NSL1: variants seen among roughly 807,000 people sequenced by gnomAD.
The protein encoded by NSL1 is NSL1 component of MIS12 kinetochore complex.
Under a neutral mutation model 25.4 loss-of-function variants are expected in NSL1, and 11 were observed. That is an observed-to-expected ratio of 0.43 (90% CI 0.27 to 0.72). NSL1 has a LOEUF of 0.72. Ranked by LOEUF, NSL1 falls within the 30% of genes least tolerant of loss-of-function variation. NSL1 has a pLI of 0.19. For missense variants in NSL1, 330 were observed against 342.7 expected (o/e 0.96, Z 0.29); for synonymous variants, 118 against 120.6 (o/e 0.98, Z 0.14).
At chr1:212,780,324 T>C (rs1315357672) in intron 4 of NSL1, among the ~76,000 whole-genome samples, 1 of 151,898 alleles carries the variant, frequency 6.6e-6, no homozygotes, top group Non-Finnish European at 1.5e-5. Flanking sequence ...TTGAGAGTCA[T>C]CACCACTCCC....
At chr1:212,788,506 A>G (rs1378323163) in intron 1 of NSL1, among the ~76,000 whole-genome samples, 1 of 152,250 alleles carries the variant, frequency 6.6e-6, no homozygotes. Context: ...TTCATAATAC[A>G]TTAAAAGATA....
intron 4 of NSL1, among the ~76,000 whole-genome samples, chr1:212,775,810 G>T (rs1033218065): frequency 3.3e-5 from 5 of 152,078 alleles, no homozygotes; most frequent in African/African-American, 1.2e-4. Flanking sequence ...AAAAAAAGTA[G>T]TAACCATAAA....
chr1:212,737,508 A>G lies in NSL1; in HGVS notation c.*900T>C. The G allele has an allele frequency of 1.0e-6, 1 of 982,714 alleles. No homozygotes were observed. The allele number at this position is 982,714 out of a possible 1,614,324, so 60.9% of individuals were successfully genotyped here. A position where few individuals can be genotyped will look rare whatever the true frequency, so the allele number is the denominator to read the frequency against. On this transcript the variant is annotated 3_prime_UTR_variant, in exon 6 of 6. Coordinates refer to ENST00000366977, the MANE Select transcript of NSL1 (RefSeq NM_015471.4). ...AAGAGCTATAAGAAACTATAGTTAAATGTTAGAAGTAAAGCCAATATCGTT... is the reference window on the plus strand; with the variant it reads ...AAGAGCTATAAGAAACTATAGTTAAGTGTTAGAAGTAAAGCCAATATCGTT...
At position 212,731,372 on chromosome 1, in the gene NSL1, A is replaced by G; in HGVS notation, c.*7036T>C. ...GGAATTCAAGACCAGCCGGGGCAAT[A>G]TGGCGAGACCCCATCTCTAAAACAA... On this transcript the variant is annotated 3_prime_UTR_variant, in exon 6 of 6. Coordinates refer to ENST00000366977, the MANE Select transcript of NSL1 (RefSeq NM_015471.4). 7.1e-6 allele frequency: 7 copies of G among 982,198 alleles called. No individual in the cohort carries two copies. The highest frequency in any genetic ancestry group is 8.5e-6 in the Non-Finnish European group (7 of 827,028). The allele number at this position is 982,198 out of a possible 1,614,324, so 60.8% of individuals were successfully genotyped here.
intron 4 of NSL1, among the ~76,000 whole-genome samples, chr1:212,747,645 A>G (rs1396440024): frequency 6.6e-6 from 1 of 152,262 alleles, no homozygotes; most frequent in Non-Finnish European, 1.5e-5. Context: ...TTAAGCAGCT[A>G]AACTTTGGGA....
Position 212,730,868 on chromosome 1 carries a change from T to C in NSL1, c.*7540A>G, listed in dbSNP as rs562093785. Reference sequence around the variant, plus strand: ...CCTTCTAAGTTCAATTAATAATGAATATAAATGCCACAAGCCATTAATGTG... The same window carrying C: ...CCTTCTAAGTTCAATTAATAATGAACATAAATGCCACAAGCCATTAATGTG... On this transcript the variant is annotated 3_prime_UTR_variant, in exon 6 of 6. Transcript: ENST00000366977. 8.2e-4 allele frequency: 806 copies of C among 985,254 alleles called. No individual in the cohort carries two copies. Among genetic ancestry groups the C allele is most frequent in the Non-Finnish European group, 9.4e-4 (780 of 829,912 alleles). The allele number at this position is 985,254 out of a possible 1,614,324, so 61.0% of individuals were successfully genotyped here.
Position 212,730,809 on chromosome 1 carries a change from C to T in NSL1, c.*7599G>A. 1.0e-6 allele frequency: 1 copy of T among 985,342 alleles called. No individual in the cohort carries two copies. The highest frequency in any genetic ancestry group is 4.7e-5 in the South Asian group (1 of 21,268). 61.0% of individuals were successfully genotyped at this position (985,342 alleles called of 1,614,324 possible). On this transcript the variant is annotated 3_prime_UTR_variant, in exon 6 of 6. Coordinates refer to ENST00000366977, the MANE Select transcript of NSL1 (RefSeq NM_015471.4). The stretch of plus-strand genomic sequence containing the variant: ...TCAGGTCAGTTTCCCAGTGATCTGT[C>T]CTCAGTTTTTTACCTCTCCCCTCCC...
chr1:212,728,772 G>A lies in NSL1; in HGVS notation c.*9636C>T, dbSNP rs937280138. 1 of 985,252 alleles carries A rather than the reference G, an allele frequency of 1.0e-6. No individual in the cohort carries two copies. The highest frequency in any genetic ancestry group is 1.7e-5 in the African/African-American group (1 of 57,208). The allele number at this position is 985,252 out of a possible 1,614,324, so 61.0% of individuals were successfully genotyped here. A position where few individuals can be genotyped will look rare whatever the true frequency, so the allele number is the denominator to read the frequency against. On this transcript the variant is annotated 3_prime_UTR_variant, in exon 6 of 6. Coordinates refer to ENST00000366977, the MANE Select transcript of NSL1 (RefSeq NM_015471.4). ...GTCCCCTTTGTTGCCACATCTCGCA[G>A]CTTCTCCCTTCTGTTTTTCCTCTCA...
At chr1:212,745,594 G>A (rs1469137942) in intron 4 of NSL1, among the ~76,000 whole-genome samples, 1 of 152,156 alleles carries the variant, frequency 6.6e-6, no homozygotes. Context: ...AAAAAAATCT[G>A]TCCACCAAGA....
intron 4 of NSL1, among the ~76,000 whole-genome samples, chr1:212,777,912 T>C (rs73083716): frequency 2.0e-5 from 3 of 152,226 alleles, no homozygotes; most frequent in African/African-American, 7.2e-5. Flanking sequence ...CTGCCCTATG[T>C]ATGCAGAATG....
chr1:212,748,765 T>C (rs751922499), intron 4 of NSL1, among the ~76,000 whole-genome samples: 5 of 152,174 alleles, frequency 3.3e-5, no homozygotes, highest in African/African-American at 9.6e-5. Flanking sequence ...AGGGTATCCA[T>C]AAGGCTGGGG....
chr1:212,739,329 G>C (rs901521968), intron 5 of NSL1, among the ~76,000 whole-genome samples: 2 of 152,078 alleles, frequency 1.3e-5, no homozygotes, highest in African/African-American at 4.8e-5. Flanking sequence ...AAAGAAGACA[G>C]GTATATTACC....
At chr1:212,766,577 G>T (rs1361070954) in intron 4 of NSL1, among the ~76,000 whole-genome samples, 1 of 151,358 alleles carries the variant, frequency 6.6e-6, no homozygotes, top group Admixed American at 6.6e-5. Context: ...CCTGGGAGGT[G>T]GAGCTTGCAG....
Position 212,732,132 on chromosome 1 carries a change from C to A in NSL1, c.*6276G>T. 2 of 980,378 alleles carry A rather than the reference C, an allele frequency of 2.0e-6. 1 individual carries two copies. Among genetic ancestry groups the A allele is most frequent in the African/African-American group, 3.6e-5 (2 of 55,670 alleles). The allele number at this position is 980,378 out of a possible 1,614,324, so 60.7% of individuals were successfully genotyped here. A position where few individuals can be genotyped will look rare whatever the true frequency, so the allele number is the denominator to read the frequency against. On this transcript the variant is annotated 3_prime_UTR_variant, in exon 6 of 6. Transcript: ENST00000366977. ...CTAATTTGTAACCATGATTACATTT[C>A]TTTTTTTGTACAGCTTTCTGCCTCT...
rs10717383 is a variant in NSL1, at chr1:212,749,339, G to GTTTTTTT, written c.500-9745_500-9739dup. Among the ~76,000 whole-genome samples the GTTTTTTT allele has an allele frequency of 1.3e-3, 102 of 76,950 alleles. 1 individual carries two copies. Among genetic ancestry groups the GTTTTTTT allele is most frequent in the East Asian group, 2.4e-3 (6 of 2,516 alleles). The allele number at this position is 76,950 out of a possible 152,430, so 50.5% of individuals were successfully genotyped here. A position where few individuals can be genotyped will look rare whatever the true frequency, so the allele number is the denominator to read the frequency against. The stretch of plus-strand genomic sequence containing the variant: ...CTTAAGGGATTTTGCGTTTTATTGT[G>GTTTTTTT]TTTTTTTTTTTTTTTTTTTTTTTGA... On this transcript the variant is annotated intron_variant, in intron 4 of 5. Transcript: ENST00000366977.
intron 4 of NSL1, among the ~76,000 whole-genome samples, chr1:212,763,090 TG>T (rs1659648307): frequency 6.6e-6 from 1 of 152,198 alleles, no homozygotes; most frequent in African/African-American, 2.4e-5. Context: ...GCAGACTGCC[TG>T]GAACTAAATC....
intron 4 of NSL1, among the ~76,000 whole-genome samples, chr1:212,772,676 CAAAAAAAG>C (rs1481151569): frequency 6.6e-6 from 1 of 150,408 alleles, no homozygotes; most frequent in Non-Finnish European, 1.5e-5. Flanking sequence ...GACATTGTCT[CAAAAAAAG>C]AAAAAAAGAA....
In NSL1 at chr1:212,738,090, T is replaced by G; in HGVS notation, c.*318A>C. The G allele has an allele frequency of 9.8e-7, 1 of 1,024,804 alleles. No individual in the cohort carries two copies. Among genetic ancestry groups the G allele is most frequent in the Non-Finnish European group, 1.2e-6 (1 of 855,770 alleles). 63.5% of individuals were successfully genotyped at this position (1,024,804 alleles called of 1,614,324 possible). ...ACAACAGAATTTGTTACTTGTTAAATCCCACAAAAGCTACAAGGGAGCTGA... is the reference window on the plus strand; with the variant it reads ...ACAACAGAATTTGTTACTTGTTAAAGCCCACAAAAGCTACAAGGGAGCTGA... On this transcript the variant is annotated 3_prime_UTR_variant, in exon 6 of 6. Coordinates refer to ENST00000366977, the MANE Select transcript of NSL1 (RefSeq NM_015471.4).
In NSL1 at chr1:212,728,915, T is replaced by C. The variant is rs955522175; in HGVS notation, c.*9493A>G. 1 of 985,290 alleles carries C rather than the reference T, an allele frequency of 1.0e-6. No individual in the cohort carries two copies. The highest frequency in any genetic ancestry group is 1.1e-4 in the East Asian group (1 of 8,808). 61.0% of individuals were successfully genotyped at this position (985,290 alleles called of 1,614,324 possible). A position where few individuals can be genotyped will look rare whatever the true frequency, so the allele number is the denominator to read the frequency against. On this transcript the variant is annotated 3_prime_UTR_variant, in exon 6 of 6. Coordinates refer to ENST00000366977, the MANE Select transcript of NSL1 (RefSeq NM_015471.4). ...AGTCCACCACTCTGGCAAAGAGCAG[T>C]GTTTATTTGTGTGTTTGAACGTTTG...
Sources: gnomAD v4.1 joint callset for allele counts (sites outside exome capture counted in the v4.1 genomes callset) on GRCh38, gnomAD v4.1.1 for gene constraint, MANE v1.5 for transcripts, NCBI Gene and HGNC (gene_info 2026-07-23, HGNC 2026-07-21) for gene names.